ATR: variants seen among roughly 807,000 people sequenced by gnomAD.
The protein encoded by ATR is serine/threonine-protein kinase ATR.
A neutral mutation model predicts 305.3 loss-of-function variants in ATR; 142 were observed. That is an observed-to-expected ratio of 0.47 (90% CI 0.41 to 0.53). The LOEUF (loss-of-function observed/expected upper bound fraction) is 0.53, where lower values mean the gene tolerates loss of function less well. ATR is among the 20% of genes least tolerant of loss of function. ATR has a pLI of 0.00. For synonymous variants in ATR, 1,050 were observed against 1,068.1 expected (o/e 0.98, Z 0.33); for missense variants, 2,135 against 3,133.1 (o/e 0.68, Z 7.60).
chr3:142,499,584 G>A (rs928855947), intron 31 of ATR, 43 bp downstream of exon 31: 18 of 1,576,824 alleles, frequency 1.1e-5, no homozygotes, highest in African/African-American at 1.3e-5. Context: ...GTGAGCCACC[G>A]CACCCATCCT....
At chr3:142,461,884 C>T (rs1052955685) in intron 42 of ATR, 56 bp downstream of exon 42, 1 of 1,542,306 alleles carries the variant, frequency 6.5e-7, no homozygotes. Flanking sequence ...CCAATTATAC[C>T]CATATTATAT....
intron 24 of ATR, among the ~76,000 whole-genome samples, 166 bp downstream of exon 24, chr3:142,519,503 T>C (rs554622573): frequency 1.3e-5 from 2 of 152,218 alleles, no homozygotes; most frequent in Admixed American, 6.5e-5. Context: ...CGTTTCACCA[T>C]GTTGGTCAGG....
intron 1 of ATR, among the ~76,000 whole-genome samples, chr3:142,576,845 G>C (rs2035456575): frequency 1.3e-5 from 2 of 152,122 alleles, no homozygotes; most frequent in South Asian, 4.1e-4. Flanking sequence ...AAAAACAATA[G>C]GACAAAATTT....
At chr3:142,492,692 T>C (rs2031360470) in intron 35 of ATR, among the ~76,000 whole-genome samples, 1 of 152,240 alleles carries the variant, frequency 6.6e-6, no homozygotes, top group Non-Finnish European at 1.5e-5. Flanking sequence ...GCACAGGATA[T>C]GATATGCCAT....
intron 29 of ATR, 28 bp from the exon 30 acceptor site, chr3:142,503,481 C>A (rs2032082525): frequency 7.0e-7 from 1 of 1,432,236 alleles, no homozygotes. Context: ...TTTAAAATAG[C>A]AATTATCACT....
chr3:142,572,943 T>A (rs1212777620), intron 1 of ATR, among the ~76,000 whole-genome samples: 1 of 152,184 alleles, frequency 6.6e-6, no homozygotes, highest in Non-Finnish European at 1.5e-5. Flanking sequence ...ATTTACCTAT[T>A]CCCTGCCACT....
In ATR at chr3:142,512,475, G is replaced by A. The variant is rs748792878; in HGVS notation, c.4642-5C>T. The A allele has an allele frequency of 9.5e-6, 15 of 1,583,572 alleles. No individual in the cohort carries two copies. Among genetic ancestry groups the A allele is most frequent in the Non-Finnish European group, 1.3e-5 (15 of 1,154,206 alleles). On this transcript the variant is annotated splice_polypyrimidine_tract_variant and splice_region_variant and intron_variant, in intron 26 of 46. Transcript: ENST00000350721. The stretch of plus-strand genomic sequence containing the variant: ...TGCCATAATTTCTGCATAAACCTAT[G>A]AGAATCATTTATAATTAATAATAAT...
chr3:142,564,807 A>G (rs1046563753), intron 3 of ATR, among the ~76,000 whole-genome samples: 2 of 151,752 alleles, frequency 1.3e-5, no homozygotes, highest in Non-Finnish European at 2.9e-5. Flanking sequence ...GCTGGAGTGC[A>G]ACGGCATGGT....
At chr3:142,486,254 GT>G (rs1304069020) in intron 35 of ATR, among the ~76,000 whole-genome samples, 2 of 152,092 alleles carry the variant, frequency 1.3e-5, no homozygotes, top group African/African-American at 4.8e-5. Flanking sequence ...GAGATCTTGA[GT>G]TTCTACTGAC....
intron 18 of ATR, 147 bp from the exon 19 acceptor site, chr3:142,538,772 A>G (rs2033950744): frequency 9.5e-7 from 1 of 1,055,434 alleles, no homozygotes; most frequent in Admixed American, 2.6e-5. Flanking sequence ...TCAGTGCTAT[A>G]TATTCAAATA....
At chr3:142,490,525 A>G (rs2031214948) in intron 35 of ATR, among the ~76,000 whole-genome samples, 1 of 152,246 alleles carries the variant, frequency 6.6e-6, no homozygotes, top group Non-Finnish European at 1.5e-5. Flanking sequence ...CATCTAATTT[A>G]TCAGGATTTT....
intron 36 of ATR, among the ~76,000 whole-genome samples, chr3:142,483,014 T>C (rs1559926787): frequency 6.7e-6 from 1 of 149,806 alleles, no homozygotes; most frequent in East Asian, 1.9e-4. Context: ...TTCTTTCTTT[T>C]TTTTTTTTTG....
intron 19 of ATR, 112 bp downstream of exon 19, chr3:142,538,370 T>C (rs1368677176): frequency 1.3e-5 from 16 of 1,201,074 alleles, no homozygotes; most frequent in Non-Finnish European, 1.4e-5. Flanking sequence ...TGTTTATTGA[T>C]AAACCCTGAA....
At chr3:142,472,934 C>G (rs775981380) in intron 36 of ATR, among the ~76,000 whole-genome samples, 2 of 152,164 alleles carry the variant, frequency 1.3e-5, no homozygotes, top group Non-Finnish European at 2.9e-5. Context: ...GCCACCATGC[C>G]TGGCCAGGTG....
chr3:142,453,155 A>T lies in ATR; in HGVS notation c.7734T>A (p.Asn2578Lys), dbSNP rs1440426009. The T allele has an allele frequency of 8.1e-6, 13 of 1,614,164 alleles. No homozygotes were observed. Among genetic ancestry groups the T allele is most frequent in the Non-Finnish European group, 1.0e-5 (12 of 1,179,998 alleles). The change falls in exon 46 of 47, where the codon AAT becomes AAA. Residue 2578 changes from asparagine (N) to lysine (K), a missense_variant. Transcript: ENST00000350721. ...TTTCATTGACAACTTCTCCAGTTTC[A>T]TTCAGTGGCGCTTTGGAATGCCCTT... ...PVKGHSKAPLNETGEVVNEKA... is the reference protein window; with the variant it reads ...PVKGHSKAPLKETGEVVNEKA...
chr3:142,561,367 C>A lies in ATR; in HGVS notation c.1225G>T (p.Glu409Ter), dbSNP rs777982083. 6.2e-7 allele frequency: 1 copy of A among 1,614,004 alleles called. No individual in the cohort carries two copies. Among genetic ancestry groups the A allele is most frequent in the Non-Finnish European group, 8.5e-7 (1 of 1,179,972 alleles). The change falls in exon 5 of 47, where the codon GAG becomes TAG. Residue 409 changes from glutamate (E) to a stop codon, truncating the protein, a stop_gained. Coordinates refer to ENST00000350721, the MANE Select transcript of ATR (RefSeq NM_001184.4). LOFTEE classifies it high-confidence loss of function. ...TGTTGAGTTTGGCATTGAATCTCCTCAATGATTTCCATACTTTCCATTTTC... is the reference window on the plus strand; with the variant it reads ...TGTTGAGTTTGGCATTGAATCTCCTAAATGATTTCCATACTTTCCATTTTC... Reference protein sequence around the residue: ...ALKMESMEIIEEIQCQTQQEN... With the variant: ...ALKMESMEII
chr3:142,499,244 T>C, intron 31 of ATR: 1 of 318,044 alleles, frequency 3.1e-6, no homozygotes, highest in Non-Finnish European at 6.1e-6. Flanking sequence ...ATATTAAGTA[T>C]GAATGTTGCT....
intron 41 of ATR, 84 bp downstream of exon 41, chr3:142,465,012 TA>T: frequency 1.1e-6 from 1 of 930,610 alleles, no homozygotes. Context: ...AACTCTGAAA[TA>T]AAAGCAATCT....
intron 36 of ATR, among the ~76,000 whole-genome samples, chr3:142,478,769 G>A (rs2030154451): frequency 6.6e-6 from 1 of 152,158 alleles, no homozygotes; most frequent in Admixed American, 6.5e-5. Context: ...GAATCTGGGT[G>A]CTCCTGTATT....
Sources: allele counts gnomAD v4.1 joint callset (sites outside exome capture counted in the v4.1 genomes callset), GRCh38; gene constraint gnomAD v4.1.1; transcripts MANE v1.5; gene names NCBI Gene and HGNC (gene_info 2026-07-23, HGNC 2026-07-21).